Variants in ASTN2 observed in about 807,000 individuals in gnomAD.
ASTN2 encodes astrotactin 2, also known as astrotactin-2.
Under a neutral mutation model 139.8 loss-of-function variants are expected in ASTN2, and 54 were observed. That is an observed-to-expected ratio of 0.39 (90% CI 0.31 to 0.48). The LOEUF (loss-of-function observed/expected upper bound fraction) is 0.48. ASTN2 is among the 20% of genes least tolerant of loss of function. The probability of loss-of-function intolerance (pLI) is 0.95; values close to 1 mark genes in which losing one functional copy is unlikely to be tolerated. For missense variants in ASTN2, 1,565 were observed against 1,725.1 expected, an observed-to-expected ratio of 0.91 and a Z score of 1.64; for synonymous variants, 756 against 719.5, an observed-to-expected ratio of 1.05 and a Z score of -0.81.
chr9:117,191,571 A>G (rs970482850), intron 3 of ASTN2, among the ~76,000 whole-genome samples: 1 of 152,238 alleles, frequency 6.6e-6, no homozygotes, highest in Non-Finnish European at 1.5e-5. Flanking sequence ...TTAGCTCTAC[A>G]GTGGATAAAG....
intron 5 of ASTN2, among the ~76,000 whole-genome samples, chr9:117,058,986 T>A (rs1006289137): frequency 2.0e-5 from 3 of 152,102 alleles, no homozygotes; most frequent in Non-Finnish European, 4.4e-5. Context: ...AGTTTGATCT[T>A]AATTATGAAA....
intron 19 of ASTN2, chr9:116,557,595 C>A (rs1163434961): frequency 6.6e-6 from 1 of 152,138 alleles, no homozygotes; most frequent in African/African-American, 2.4e-5. Context: ...GTCCTTCTTG[C>A]TCTCAATTTA....
intron 11 of ASTN2, among the ~76,000 whole-genome samples, chr9:116,841,242 C>T (rs1054450828): frequency 3.0e-4 from 46 of 152,026 alleles, no homozygotes; most frequent in Non-Finnish European, 4.7e-4. Context: ...TCAGGCGTGG[C>T]GGCGTGCACC....
At chr9:117,252,999 C>T (rs1024610736) in intron 2 of ASTN2, among the ~76,000 whole-genome samples, 1 of 152,152 alleles carries the variant, frequency 6.6e-6, no homozygotes, top group Non-Finnish European at 1.5e-5. Context: ...ATAGCATCCT[C>T]TGTGAAATGG....
chr9:117,107,059 A>C (rs905679360), intron 4 of ASTN2, among the ~76,000 whole-genome samples: 1 of 152,148 alleles, frequency 6.6e-6, no homozygotes, highest in African/African-American at 2.4e-5. Flanking sequence ...TGAGAAAATA[A>C]ATATAGATTG....
intron 2 of ASTN2, among the ~76,000 whole-genome samples, chr9:117,265,396 G>T (rs1430544044): frequency 6.6e-6 from 1 of 152,154 alleles, no homozygotes; most frequent in African/African-American, 2.4e-5. Flanking sequence ...TAAGGACTGT[G>T]CTTGAAGGTC....
chr9:116,549,594 A>C (rs1699236803), intron 19 of ASTN2, among the ~76,000 whole-genome samples: 1 of 152,218 alleles, frequency 6.6e-6, no homozygotes, highest in Non-Finnish European at 1.5e-5. Flanking sequence ...CTCTTTTGCA[A>C]GGTGATCCCA....
intron 1 of ASTN2, among the ~76,000 whole-genome samples, chr9:117,401,751 T>C (rs1564186210): frequency 6.6e-6 from 1 of 152,212 alleles, no homozygotes. Flanking sequence ...GTGGCTGTGT[T>C]CCAGTACATT....
intron 5 of ASTN2, among the ~76,000 whole-genome samples, chr9:117,061,841 G>T (rs1349841950): frequency 6.6e-6 from 1 of 152,100 alleles, no homozygotes; most frequent in Non-Finnish European, 1.5e-5. Context: ...AAAGGGGAGA[G>T]TTGGAAAAAA....
chr9:117,060,914 G>GA (rs900746340), intron 5 of ASTN2, among the ~76,000 whole-genome samples: 3 of 150,734 alleles, frequency 2.0e-5, no homozygotes, highest in East Asian at 3.9e-4. Flanking sequence ...GAAAAGAAAA[G>GA]AAAAAAAAGA....
chr9:116,998,565 C>CCATCCATCCATCCATCCATA (rs916525786), intron 7 of ASTN2, among the ~76,000 whole-genome samples: 12 of 151,980 alleles, frequency 7.9e-5, no homozygotes, highest in African/African-American at 1.2e-4. Flanking sequence ...ATCCATCCAT[C>CCATCCATCCATCCATCCATA]CATCCATACA....
intron 10 of ASTN2, among the ~76,000 whole-genome samples, chr9:116,950,630 C>T (rs547429397): frequency 6.6e-6 from 1 of 152,256 alleles, no homozygotes; most frequent in Admixed American, 6.5e-5. Flanking sequence ...TACAGTTTTC[C>T]TTTGGCAAGC....
At chr9:116,625,359 G>T (rs1446261787) in intron 17 of ASTN2, among the ~76,000 whole-genome samples, 1 of 152,102 alleles carries the variant, frequency 6.6e-6, no homozygotes, top group Non-Finnish European at 1.5e-5. Context: ...GCTTGAACCC[G>T]GGAGGTGGAG....
At chr9:117,157,776 C>T (rs893498370) in intron 3 of ASTN2, among the ~76,000 whole-genome samples, 4 of 151,900 alleles carry the variant, frequency 2.6e-5, no homozygotes, top group South Asian at 2.1e-4. Flanking sequence ...TGAGAAGGAG[C>T]GAATGACCCC....
intron 1 of ASTN2, among the ~76,000 whole-genome samples, chr9:117,404,783 C>T (rs1564187471): frequency 6.6e-6 from 1 of 151,918 alleles, no homozygotes; most frequent in Non-Finnish European, 1.5e-5. Context: ...GATCACTGAT[C>T]CCCTAGTAAA....
intron 1 of ASTN2, among the ~76,000 whole-genome samples, chr9:117,381,847 A>G (rs1475554485): frequency 1.3e-5 from 2 of 152,190 alleles, no homozygotes; most frequent in African/African-American, 4.8e-5. Flanking sequence ...AGTAAAAAGT[A>G]AATTTTAAGA....
intron 12 of ASTN2, among the ~76,000 whole-genome samples, chr9:116,814,741 G>A (rs1281263491): frequency 6.6e-6 from 1 of 152,198 alleles, no homozygotes; most frequent in Non-Finnish European, 1.5e-5. Flanking sequence ...GAGGCAGTTA[G>A]GAGTGCAGAT....
At chr9:116,609,041 A>G (rs1855368611) in intron 19 of ASTN2, among the ~76,000 whole-genome samples, 2 of 152,166 alleles carry the variant, frequency 1.3e-5, no homozygotes, top group Admixed American at 1.3e-4. Context: ...AAAATGGAAT[A>G]CAGAGATAAC....
At chr9:117,356,476 T>A (rs921309751) in intron 1 of ASTN2, among the ~76,000 whole-genome samples, 3 of 152,212 alleles carry the variant, frequency 2.0e-5, no homozygotes, top group Non-Finnish European at 4.4e-5. Flanking sequence ...CCAAATTCTT[T>A]AGATTTCACT....
Sources: allele counts gnomAD v4.1 joint callset (sites outside exome capture counted in the v4.1 genomes callset), GRCh38; gene constraint gnomAD v4.1.1; transcripts MANE v1.5; gene names NCBI Gene and HGNC (gene_info 2026-07-23, HGNC 2026-07-21).